SAP130: variants seen among roughly 807,000 people sequenced by gnomAD.
SAP130 encodes the protein histone deacetylase complex subunit SAP130.
In SAP130, 16 loss-of-function variants were observed where a neutral mutation model predicts 103.2. The observed-to-expected ratio is 0.16, with a 90% confidence interval of 0.10 to 0.24. The LOEUF (loss-of-function observed/expected upper bound fraction) is 0.24, where lower values mean the gene tolerates loss of function less well. Ranked by LOEUF, SAP130 falls within the 10% of genes least tolerant of loss-of-function variation. The pLI is 1.00. For synonymous variants in SAP130, 477 were observed against 497.0 expected, an observed-to-expected ratio of 0.96 and a Z score of 0.53; for missense variants, 990 against 1,359.7, an observed-to-expected ratio of 0.73 and a Z score of 4.28.
chr2:127,968,506 T>A (rs561306944), intron 15 of SAP130, among the ~76,000 whole-genome samples: 1 of 144,786 alleles, frequency 6.9e-6, no homozygotes, highest in Admixed American at 7.0e-5. Context: ...CCAGCCTGGG[T>A]GACAAGAGCA....
intron 14 of SAP130, among the ~76,000 whole-genome samples, chr2:127,985,751 T>G (rs1324549011): frequency 5.9e-5 from 9 of 151,708 alleles, no homozygotes; most frequent in Non-Finnish European, 1.2e-4. Context: ...AATGTTGCAT[T>G]TCCCCCAGAC....
intron 7 of SAP130, among the ~76,000 whole-genome samples, chr2:128,001,825 G>A (rs1205030381): frequency 2.0e-5 from 3 of 151,850 alleles, no homozygotes; most frequent in Non-Finnish European, 4.4e-5. Context: ...AGTAATGAAT[G>A]AGTGTAAAAC....
intron 7 of SAP130, among the ~76,000 whole-genome samples, chr2:128,003,412 T>C (rs1207447781): frequency 2.0e-5 from 3 of 147,332 alleles, no homozygotes; most frequent in Non-Finnish European, 4.5e-5. Flanking sequence ...GAGGCTGAGG[T>C]GGGAGGACAG....
intron 15 of SAP130, among the ~76,000 whole-genome samples, chr2:127,956,435 C>T (rs763604962): frequency 3.3e-5 from 5 of 151,852 alleles, no homozygotes; most frequent in Non-Finnish European, 7.4e-5. Context: ...CCACCTGGGG[C>T]TTGCATTTGG....
chr2:128,012,702 C>T (rs973734348), intron 6 of SAP130, among the ~76,000 whole-genome samples: 6 of 151,752 alleles, frequency 4.0e-5, no homozygotes, highest in African/African-American at 1.5e-4. Flanking sequence ...CACAGATCCC[C>T]CCAATCCAAA....
chr2:127,975,990 A>G (rs534599125), intron 15 of SAP130, among the ~76,000 whole-genome samples: 62 of 152,140 alleles, frequency 4.1e-4, no homozygotes, highest in African/African-American at 1.3e-3. Context: ...GACTACAGGC[A>G]CCCGCCACCA....
At chr2:127,962,250 G>T (rs986170439) in intron 15 of SAP130, among the ~76,000 whole-genome samples, 1 of 152,118 alleles carries the variant, frequency 6.6e-6, no homozygotes, top group African/African-American at 2.4e-5. Flanking sequence ...GCTCTCAGTT[G>T]CTCATCTCTT....
At chr2:127,999,973 C>T in intron 9 of SAP130, 83 bp downstream of exon 9, 11 of 1,483,864 alleles carry the variant, frequency 7.4e-6, no homozygotes, top group Non-Finnish European at 1.0e-5. Flanking sequence ...TTTTCTCTGA[C>T]TGAAGGTGAG....
chr2:127,992,752 C>T (rs935890978), intron 12 of SAP130, among the ~76,000 whole-genome samples: 7 of 152,228 alleles, frequency 4.6e-5, no homozygotes, highest in African/African-American at 1.7e-4. Flanking sequence ...ATAACTGGTA[C>T]ACCAAATCCC....
At position 127,989,798 on chromosome 2, in the gene SAP130, G is replaced by A. The variant is rs780145962; in HGVS notation, c.1546C>T (p.Leu516=). Residue 516 remains leucine, a synonymous_variant, in exon 13 of 21, where the codon CTA becomes TTA. Transcript: ENST00000643581. The surrounding 1 kb of genome is among the most constrained non-coding windows in gnomAD (Gnocchi z 4.6). ...TGVGVASTVH[L]NPMQLMTVDA... ...ACTGTCATCAACTGCATGGGGTTTA[G>A]GTGGACGGTAGACGCTACCCCAACA... The A allele has an allele frequency of 2.5e-6, 4 of 1,614,198 alleles. No homozygotes were observed. In the East Asian group the frequency reaches 8.9e-5, roughly 36 times the overall value.
At chr2:128,018,933 TA>T (rs1684969622) in intron 2 of SAP130, among the ~76,000 whole-genome samples, 1 of 151,804 alleles carries the variant, frequency 6.6e-6, no homozygotes, top group African/African-American at 2.4e-5. Context: ...CCGTCTCTAC[TA>T]AAAATACAAA....
chr2:127,968,425 T>A (rs1167176301), intron 15 of SAP130, among the ~76,000 whole-genome samples: 1 of 150,828 alleles, frequency 6.6e-6, no homozygotes, highest in Non-Finnish European at 1.5e-5. Context: ...TTTTTTTTTT[T>A]TTTTTTTTTT....
intron 19 of SAP130, among the ~76,000 whole-genome samples, chr2:127,943,601 T>A (rs1301218934): frequency 6.6e-6 from 1 of 152,226 alleles, no homozygotes; most frequent in East Asian, 1.9e-4. Flanking sequence ...TGAAACACAG[T>A]GTTAAGTATT....
At chr2:128,019,276 AT>A (rs1055426537) in intron 2 of SAP130, among the ~76,000 whole-genome samples, 15 of 138,736 alleles carry the variant, frequency 1.1e-4, no homozygotes, top group South Asian at 1.1e-3. Flanking sequence ...ATTAAAAAAA[AT>A]TTTTTTTTTG....
Position 127,996,434 on chromosome 2 carries a change from G to A in SAP130, c.1271C>T (p.Pro424Leu), listed in dbSNP as rs1286284602. Reference protein sequence around the residue: ...HTSPRIQPDYPAERSSLIPIS... With the variant: ...HTSPRIQPDYLAERSSLIPIS... ...GGGAATCAGGCTACTCCTCTCGGCAGGGTAGTCTGGCTGGATCCGAGGAGA... is the reference window on the plus strand; with the variant it reads ...GGGAATCAGGCTACTCCTCTCGGCAAGGTAGTCTGGCTGGATCCGAGGAGA... The change falls in exon 11 of 21, where the codon CCT (proline) becomes CTT (leucine). Residue 424 changes from proline (P) to leucine (L), a missense_variant. Physicochemically the swap from Pro to Leu is moderately conservative, Grantham distance 98. This residue lies in a region of SAP130 where 336 missense variants were observed against 520.1 expected (regional missense o/e 0.65). Transcript: ENST00000643581. The surrounding 1 kb of genome is among the most constrained non-coding windows in gnomAD (Gnocchi z 4.3). 1 of 1,608,394 alleles carries A rather than the reference G, an allele frequency of 6.2e-7. No homozygotes were observed. Among genetic ancestry groups the A allele is most frequent in the Non-Finnish European group, 8.5e-7 (1 of 1,177,324 alleles).
chr2:127,974,334 A>C (rs1219527992), intron 15 of SAP130, among the ~76,000 whole-genome samples: 3 of 152,220 alleles, frequency 2.0e-5, no homozygotes, highest in African/African-American at 7.2e-5. Context: ...TCTCTAAGCC[A>C]TCTTGTACAA....
At chr2:127,960,394 G>C (rs1014726147) in intron 15 of SAP130, among the ~76,000 whole-genome samples, 1 of 152,102 alleles carries the variant, frequency 6.6e-6, no homozygotes, top group Admixed American at 6.6e-5. Flanking sequence ...TTCAAGGAGG[G>C]ATATGATCAA....
Position 127,977,799 on chromosome 2 carries a change from T to C in SAP130, c.2063+186A>G, listed in dbSNP as rs377755722. 3.4e-4 allele frequency among the ~76,000 whole-genome samples: 51 copies of C among 152,188 alleles called. 1 individual carries two copies. In the South Asian group the frequency reaches 6.4e-3, roughly 19 times the overall value. Reference sequence around the variant, plus strand: ...TACTCAAGAGGCTGAGGCTGATCACTTGAGCCCAGGAGTTCAAGGCTGTCG... The same window carrying C: ...TACTCAAGAGGCTGAGGCTGATCACCTGAGCCCAGGAGTTCAAGGCTGTCG... On this transcript the variant is annotated intron_variant, in intron 15 of 20. Coordinates refer to ENST00000643581, the MANE Select transcript of SAP130 (RefSeq NM_001330301.2).
chr2:127,956,196 G>A (rs1327965523), intron 15 of SAP130, among the ~76,000 whole-genome samples: 3 of 152,308 alleles, frequency 2.0e-5, no homozygotes, highest in South Asian at 2.1e-4. Flanking sequence ...TAGCTAGCAC[G>A]TGGAAATTCC....
Sources: allele counts gnomAD v4.1 joint callset (sites outside exome capture counted in the v4.1 genomes callset), GRCh38; gene constraint gnomAD v4.1.1; regional missense constraint gnomAD v4.1.1; non-coding constraint Gnocchi (gnomAD v3.1); transcripts MANE v1.5; gene names NCBI Gene and HGNC (gene_info 2026-07-23, HGNC 2026-07-21).